CCDC102B: variants seen among roughly 807,000 people sequenced by gnomAD.
The protein encoded by CCDC102B is coiled-coil domain containing 102B.
CCDC102B carries 75 observed loss-of-function variants against 57.4 expected under a neutral mutation model. That is an observed-to-expected ratio of 1.31 (90% CI 1.08 to 1.58). The LOEUF (loss-of-function observed/expected upper bound fraction) is 1.58. Among genes scored for constraint, CCDC102B ranks in the 40% most tolerant of loss-of-function variants. The pLI is 0.00. For synonymous variants in CCDC102B, 206 were observed against 201.9 expected, an observed-to-expected ratio of 1.02 and a Z score of -0.17; for missense variants, 636 against 582.6, an observed-to-expected ratio of 1.09 and a Z score of -0.94.
intron 4 of CCDC102B, among the ~76,000 whole-genome samples, chr18:68,862,775 G>T (rs2038817282): frequency 1.3e-5 from 2 of 152,002 alleles, no homozygotes; most frequent in Admixed American, 1.3e-4. Flanking sequence ...AGTGGGCATA[G>T]AGTTTACTTT....
intron 2 of CCDC102B, among the ~76,000 whole-genome samples, chr18:68,724,467 G>A (rs927433518): frequency 6.6e-6 from 1 of 152,078 alleles, no homozygotes; most frequent in Non-Finnish European, 1.5e-5. Flanking sequence ...TTGCTCCTTA[G>A]AAATTTCTTC....
rs577772929 is a variant in CCDC102B at position 68,864,772 on chromosome 18, A to C, written c.937-9897A>C. On this transcript the variant is annotated intron_variant, in intron 4 of 7. Coordinates refer to ENST00000360242, the MANE Select transcript of CCDC102B (RefSeq NM_024781.3). ...ATTAATTTTTGTACTGATAATAAAAAGATACTGAATGTAGAAACATTTTCT... is the reference window on the plus strand; with the variant it reads ...ATTAATTTTTGTACTGATAATAAAACGATACTGAATGTAGAAACATTTTCT... 3.0e-4 allele frequency among the ~76,000 whole-genome samples: 46 copies of C among 152,182 alleles called. No homozygotes were observed. In the South Asian group the frequency reaches 9.5e-3, roughly 32 times the overall value.
Position 68,836,786 on chromosome 18 carries a change from G to T in CCDC102B, c.23G>T (p.Arg8Leu), listed in dbSNP as rs199750681. The T allele has an allele frequency of 7.4e-6, 12 of 1,612,422 alleles. No individual in the cohort carries two copies. Among genetic ancestry groups the T allele is most frequent in the Non-Finnish European group, 1.0e-5 (12 of 1,179,538 alleles). MNLDSIH[R>L]LIEETQIFQM... ...AATATGAATTTAGATTCCATACATC[G>T]ATTAATTGAGGAAACACAGATCTTC... is the stretch of plus-strand genomic sequence containing the variant. The change falls in exon 2 of 8, where the codon CGA (arginine) becomes CTA (leucine). Residue 8 changes from arginine to leucine, a missense_variant. Physicochemically the swap from Arg to Leu is moderately radical, Grantham distance 102. Coordinates refer to ENST00000360242, the MANE Select transcript of CCDC102B (RefSeq NM_024781.3).
rs1438851879 is a variant in CCDC102B, at chr18:69,054,740, T to A, written c.*603T>A. ...AAGTAACAGATAACCAGTGATTGAATCTAAGACAGGCTGTAAGCATCGCTG... is the reference window on the plus strand; with the variant it reads ...AAGTAACAGATAACCAGTGATTGAAACTAAGACAGGCTGTAAGCATCGCTG... On this transcript the variant is annotated 3_prime_UTR_variant, in exon 8 of 8. Coordinates refer to ENST00000360242, the MANE Select transcript of CCDC102B (RefSeq NM_024781.3). 1.0e-6 allele frequency: 1 copy of A among 985,306 alleles called. No homozygotes were observed. Among genetic ancestry groups the A allele is most frequent in the Non-Finnish European group, 1.2e-6 (1 of 829,878 alleles). 61.0% of individuals were successfully genotyped at this position (985,306 alleles called of 1,614,324 possible).
Position 69,011,116 on chromosome 18 carries a change from T to C in CCDC102B, c.1434+12T>C, listed in dbSNP as rs1039922559. 1 of 1,609,518 alleles carries C rather than the reference T, an allele frequency of 6.2e-7. No individual in the cohort carries two copies. Among genetic ancestry groups the C allele is most frequent in the Non-Finnish European group, 8.5e-7 (1 of 1,177,688 alleles). ...AAAAAGAAGATGAGGTACTACTTTA[T>C]GAGTGAACACGTGCTGGACAGCTTC... On this transcript the variant is annotated intron_variant, in intron 7 of 7. Transcript: ENST00000360242.
intron 2 of CCDC102B, among the ~76,000 whole-genome samples, chr18:68,719,547 C>T (rs1228813075): frequency 6.6e-6 from 1 of 152,130 alleles, no homozygotes; most frequent in Admixed American, 6.5e-5. Flanking sequence ...TTTACCTGCC[C>T]TCCATCTTTT....
intron 2 of CCDC102B, among the ~76,000 whole-genome samples, chr18:68,723,207 C>T (rs1470343671): frequency 6.6e-6 from 1 of 151,926 alleles, no homozygotes; most frequent in South Asian, 2.1e-4. Flanking sequence ...GAAAACTGCC[C>T]CCATGATTAA....
intron 6 of CCDC102B, among the ~76,000 whole-genome samples, chr18:68,973,711 A>G (rs1178735023): frequency 2.0e-5 from 3 of 152,156 alleles, no homozygotes; most frequent in African/African-American, 4.8e-5. Flanking sequence ...AAGAGGTTAA[A>G]TGCTAGTTAT....
chr18:68,758,809 T>C (rs542438209), intron 2 of CCDC102B, among the ~76,000 whole-genome samples: 2 of 151,944 alleles, frequency 1.3e-5, no homozygotes, highest in South Asian at 4.2e-4. Context: ...AAAGCCTTTT[T>C]AAGACTTGGT....
chr18:68,857,429 C>G (rs2038529983), intron 4 of CCDC102B, among the ~76,000 whole-genome samples: 1 of 126,844 alleles, frequency 7.9e-6, no homozygotes, highest in East Asian at 2.2e-4. Context: ...TATATAAACA[C>G]AAATCATTTT....
At chr18:68,947,476 G>T (rs1274988176) in intron 6 of CCDC102B, among the ~76,000 whole-genome samples, 3 of 152,004 alleles carry the variant, frequency 2.0e-5, no homozygotes, top group African/African-American at 7.2e-5. Flanking sequence ...TAGAGGGAGA[G>T]AGATGGCTAT....
At chr18:68,754,148 TGAG>T (rs1267394063) in intron 2 of CCDC102B, 2 of 145,588 alleles carry the variant, frequency 1.4e-5, no homozygotes, top group African/African-American at 2.5e-5. Context: ...ACAAAATATT[TGAG>T]GAGGTTTACA....
chr18:69,031,016 T>C (rs2145443117), intron 7 of CCDC102B, among the ~76,000 whole-genome samples: 1 of 152,338 alleles, frequency 6.6e-6, no homozygotes, highest in African/African-American at 2.4e-5. Context: ...AGGTTTTGTT[T>C]CTTTTACTTT....
intron 6 of CCDC102B, among the ~76,000 whole-genome samples, chr18:68,975,274 T>C (rs1415265924): frequency 1.3e-5 from 2 of 152,110 alleles, no homozygotes; most frequent in African/African-American, 2.4e-5. Flanking sequence ...TTCACTTTTA[T>C]GCTATGAACA....
chr18:68,897,939 T>C (rs980779450), intron 6 of CCDC102B: 4 of 216,686 alleles, frequency 1.8e-5, no homozygotes, highest in African/African-American at 9.5e-5. Flanking sequence ...TCAAATAATT[T>C]TTCCAGCCTG....
At chr18:68,826,522 C>CATATT (rs1426926951) in intron 1 of CCDC102B, among the ~76,000 whole-genome samples, 1 of 152,086 alleles carries the variant, frequency 6.6e-6, no homozygotes, top group African/African-American at 2.4e-5. Context: ...ACTTTTATAA[C>CATATT]ATATTATACG....
intron 7 of CCDC102B, among the ~76,000 whole-genome samples, chr18:69,022,185 C>A (rs1396141725): frequency 1.4e-5 from 1 of 73,062 alleles, no homozygotes; most frequent in Non-Finnish European, 2.6e-5. Flanking sequence ...GACCCATTAT[C>A]CTTTAGCCTA....
Position 68,828,322 on chromosome 18 carries a change from C to CAAAAA in CCDC102B, c.-15-8406_-15-8402dup, listed in dbSNP as rs58180806. 9.4e-4 allele frequency among the ~76,000 whole-genome samples: 76 copies of CAAAAA among 80,794 alleles called. 2 individuals are homozygous for CAAAAA. Among genetic ancestry groups the CAAAAA allele is most frequent in the East Asian group, 2.0e-3 (6 of 2,964 alleles). The allele number at this position is 80,794 out of a possible 152,430, so 53.0% of individuals were successfully genotyped here. Reference sequence around the variant, plus strand: ...TTCACCAAGGTACATACCCTATTTACAAAAAAAAAAAAAAAAAAAAAAAAA... The same window carrying CAAAAA: ...TTCACCAAGGTACATACCCTATTTACAAAAAAAAAAAAAAAAAAAAAAAAAAAAAA... On this transcript the variant is annotated intron_variant, in intron 1 of 7. Coordinates refer to ENST00000360242, the MANE Select transcript of CCDC102B (RefSeq NM_024781.3).
chr18:68,797,399 T>C (rs901149690), upstream of CCDC102B, among the ~76,000 whole-genome samples: 1 of 152,084 alleles, frequency 6.6e-6, no homozygotes, highest in Admixed American at 6.6e-5. Context: ...CCAGAGAAGC[T>C]CTTTTTTATG....
Sources: gnomAD v4.1 joint callset for allele counts (sites outside exome capture counted in the v4.1 genomes callset) on GRCh38, gnomAD v4.1.1 for gene constraint, MANE v1.5 for transcripts, NCBI Gene and HGNC (gene_info 2026-07-23, HGNC 2026-07-21) for gene names.